OR52N2: variants seen among roughly 807,000 people sequenced by gnomAD.
OR52N2 encodes olfactory receptor family 52 subfamily N member 2, also known as olfactory receptor 52N2.
For synonymous variants in OR52N2, 129 were observed against 72.0 expected, an observed-to-expected ratio of 1.79 and a Z score of -4.01; for missense variants, 326 against 196.6, an observed-to-expected ratio of 1.66 and a Z score of -3.94.
intron 1 of OR52N2, among the ~76,000 whole-genome samples, chr11:5,818,514 C>T (rs10838680): frequency 0.56 from 84,367 of 151,874 alleles, 23,924 homozygotes; most frequent in Non-Finnish European, 0.63. Context: ...CAGCCATGCA[C>T]AGAGATTTGA....
At position 5,821,405 on chromosome 11, in the gene OR52N2, C is replaced by A; in HGVS notation, c.*104C>A. 1.6e-6 allele frequency: 1 copy of A among 629,642 alleles called. No individual in the cohort carries two copies. The highest frequency in any genetic ancestry group is 1.8e-5 in the African/African-American group (1 of 54,800). The allele number at this position is 629,642 out of a possible 1,614,324, so 39.0% of individuals were successfully genotyped here. A position where few individuals can be genotyped will look rare whatever the true frequency, so the allele number is the denominator to read the frequency against. On this transcript the variant is annotated 3_prime_UTR_variant, in exon 2 of 2. Transcript: ENST00000317037. ...TATTAAAATCATGACATGTAATTTA[C>A]CCATGTAACAAACTTGCACGTGTAC...
intron 1 of OR52N2, among the ~76,000 whole-genome samples, chr11:5,812,216 C>G (rs1385652086): frequency 1.3e-5 from 2 of 151,848 alleles, no homozygotes; most frequent in African/African-American, 4.8e-5. Flanking sequence ...TGAGGAGGGT[C>G]GGGCAAGGTG....
intron 1 of OR52N2, among the ~76,000 whole-genome samples, chr11:5,812,104 G>A (rs913300224): frequency 6.6e-6 from 1 of 152,058 alleles, no homozygotes; most frequent in African/African-American, 2.4e-5. Flanking sequence ...GGAACTTAAA[G>A]GATGGGTCAA....
At chr11:5,819,299 C>T (rs1453378753) in intron 1 of OR52N2, among the ~76,000 whole-genome samples, 1 of 152,184 alleles carries the variant, frequency 6.6e-6, no homozygotes, top group Non-Finnish European at 1.5e-5. Flanking sequence ...TCAATTCTTT[C>T]TACTGCTCCA....
Position 5,821,364 on chromosome 11 carries a change from G to T in OR52N2, c.*63G>T. ...ATAATGGAGACAAAATTTCATAAAA[G>T]ATGTGAATAAAATGGTATTAAAATC... On this transcript the variant is annotated 3_prime_UTR_variant, in exon 2 of 2. Transcript: ENST00000317037. 1 of 682,662 alleles carries T rather than the reference G, an allele frequency of 1.5e-6. No individual in the cohort carries two copies. The allele number at this position is 682,662 out of a possible 1,614,324, so 42.3% of individuals were successfully genotyped here.
At chr11:5,816,220 C>T (rs938336936) in intron 1 of OR52N2, among the ~76,000 whole-genome samples, 4 of 152,076 alleles carry the variant, frequency 2.6e-5, no homozygotes, top group Admixed American at 1.3e-4. Flanking sequence ...TTCAGTTTGA[C>T]AGGATGAAAA....
rs1309056243 is a variant in OR52N2, at chr11:5,820,755, C to A, written c.420C>A (p.Asn140Lys). The A allele has an allele frequency of 9.0e-6, 7 of 774,624 alleles. No homozygotes were observed. Among genetic ancestry groups the A allele is most frequent in the Non-Finnish European group, 1.7e-5 (7 of 417,034 alleles). The allele number at this position is 774,624 out of a possible 1,614,324, so 48.0% of individuals were successfully genotyped here. A position where few individuals can be genotyped will look rare whatever the true frequency, so the allele number is the denominator to read the frequency against. ...TACGCTATGCCACCATCCTTACCAA[C>A]CCTGTCATCGCCAAGGCTGGTCTTG... is the stretch of plus-strand genomic sequence containing the variant. ...YPLRYATILT[N>K]PVIAKAGLAT... is the part of the protein sequence containing the mutation. The change falls in exon 2 of 2, where the codon AAC becomes AAA. Residue 140 changes from asparagine to lysine, a missense_variant. Transcript: ENST00000317037.
chr11:5,811,997 C>G (rs1386834191), intron 1 of OR52N2, among the ~76,000 whole-genome samples: 1 of 152,104 alleles, frequency 6.6e-6, no homozygotes, highest in African/African-American at 2.4e-5. Flanking sequence ...ACTGCATGTT[C>G]TCACTCATAA....
rs780524131 is a variant in OR52N2, at chr11:5,820,710, T to G, written c.375T>G (p.Tyr125Ter). The G allele has an allele frequency of 7.6e-6, 6 of 791,678 alleles. No homozygotes were observed. Among genetic ancestry groups the G allele is most frequent in the Non-Finnish European group, 1.2e-5 (5 of 428,810 alleles). The allele number at this position is 791,678 out of a possible 1,614,324, so 49.0% of individuals were successfully genotyped here. Residue 125 changes from tyrosine to a stop codon, truncating the protein, a stop_gained, in exon 2 of 2, where the codon TAT (tyrosine) becomes TAG (stop). Coordinates refer to ENST00000317037, the MANE Select transcript of OR52N2 (RefSeq NM_001005174.3). LOFTEE classifies it low-confidence loss of function (END_TRUNC). ...GVLMLMALDR[Y>*]VAICYPLRYA... ...TCATGCTCATGGCCCTGGACCGCTATGTGGCCATCTGCTACCCCTTACGCT... is the reference window on the plus strand; with the variant it reads ...TCATGCTCATGGCCCTGGACCGCTAGGTGGCCATCTGCTACCCCTTACGCT...
chr11:5,814,830 G>A (rs1040451825), intron 1 of OR52N2, among the ~76,000 whole-genome samples: 1 of 152,196 alleles, frequency 6.6e-6, no homozygotes, highest in Non-Finnish European at 1.5e-5. Context: ...TTATGACAAA[G>A]TGACAGTAAA....
chr11:5,814,954 A>G (rs946574654), intron 1 of OR52N2, among the ~76,000 whole-genome samples: 2 of 152,214 alleles, frequency 1.3e-5, no homozygotes, highest in Admixed American at 6.5e-5. Context: ...AAGAGTGTCA[A>G]TATCATTCAA....
intron 1 of OR52N2, among the ~76,000 whole-genome samples, chr11:5,809,759 A>C (rs1157659496): frequency 6.6e-6 from 1 of 152,138 alleles, no homozygotes; most frequent in Non-Finnish European, 1.5e-5. Flanking sequence ...AATTAAAGAC[A>C]AGAAATTTAA....
chr11:5,821,084 T>C lies in OR52N2; in HGVS notation c.749T>C (p.Ile250Thr), dbSNP rs779327245. The C allele has an allele frequency of 7.7e-6, 6 of 781,046 alleles. No individual in the cohort carries two copies. The highest frequency in any genetic ancestry group is 2.7e-5 in the South Asian group (2 of 74,626). 48.4% of individuals were successfully genotyped at this position (781,046 alleles called of 1,614,324 possible). A position where few individuals can be genotyped will look rare whatever the true frequency, so the allele number is the denominator to read the frequency against. ...FSTCTSHMCS[I>T]VITYVAAFFT... ...ACCTGCACATCTCACATGTGTTCCA[T>C]TGTGATCACCTATGTTGCTGCTTTT... is the stretch of plus-strand genomic sequence containing the variant. The change falls in exon 2 of 2, where the codon ATT becomes ACT. Residue 250 changes from isoleucine to threonine, a missense_variant. Coordinates refer to ENST00000317037, the MANE Select transcript of OR52N2 (RefSeq NM_001005174.3).
intron 1 of OR52N2, among the ~76,000 whole-genome samples, 99 bp downstream of exon 1, chr11:5,809,153 T>C (rs1846332278): frequency 6.6e-6 from 1 of 152,194 alleles, no homozygotes; most frequent in African/African-American, 2.4e-5. Flanking sequence ...AAATGCTCAG[T>C]GCCGCAAAGT....
chr11:5,816,908 A>G (rs1470260849), intron 1 of OR52N2, among the ~76,000 whole-genome samples: 23 of 151,938 alleles, frequency 1.5e-4, no homozygotes, highest in Admixed American at 1.5e-3. Context: ...AAACTCATAT[A>G]TGTATTTTTG....
At chr11:5,813,509 A>G (rs1846379916) in intron 1 of OR52N2, among the ~76,000 whole-genome samples, 1 of 152,146 alleles carries the variant, frequency 6.6e-6, no homozygotes, top group Admixed American at 6.5e-5. Context: ...AAGATAAGTA[A>G]AACAATTGAA....
chr11:5,819,368 T>A (rs1435967848), intron 1 of OR52N2, among the ~76,000 whole-genome samples: 3 of 152,198 alleles, frequency 2.0e-5, no homozygotes, highest in Admixed American at 6.5e-5. Context: ...CTTTCAGTTA[T>A]AACAAAAATA....
chr11:5,818,247 TG>T (rs553036612), intron 1 of OR52N2, among the ~76,000 whole-genome samples: 107 of 152,322 alleles, frequency 7.0e-4, no homozygotes, highest in Middle Eastern at 3.4e-3. Context: ...TAAAAAATTA[TG>T]TTTTTCATGA....
chr11:5,809,898 G>C (rs1846341590), intron 1 of OR52N2, among the ~76,000 whole-genome samples: 1 of 152,096 alleles, frequency 6.6e-6, no homozygotes, highest in Non-Finnish European at 1.5e-5. Context: ...TCTGAATTTA[G>C]TACAAGAAGA....
Sources: allele counts gnomAD v4.1 joint callset (sites outside exome capture counted in the v4.1 genomes callset), GRCh38; gene constraint gnomAD v4.1.1; transcripts MANE v1.5; gene names NCBI Gene and HGNC (gene_info 2026-07-23, HGNC 2026-07-21).